The following ITGB1 variants were observed in gnomAD, a reference collection of about 807,000 sequenced individuals.
ITGB1 encodes the protein integrin beta-1.
A neutral mutation model predicts 86.5 loss-of-function variants in ITGB1; 24 were observed. The observed-to-expected ratio is 0.28, with a 90% CI of 0.20 to 0.39. The LOEUF (loss-of-function observed/expected upper bound fraction) is 0.39. Ranked by LOEUF, ITGB1 falls within the 10% of genes least tolerant of loss-of-function variation. ITGB1 has a pLI of 1.00. For missense variants in ITGB1, 556 were observed against 946.9 expected (o/e 0.59, Z 5.42); for synonymous variants, 323 against 316.8 (o/e 1.02, Z -0.21).
At position 32,942,742 on chromosome 10, in the gene ITGB1, T is replaced by G. The variant is rs554395415; in HGVS notation, c.1-7184A>C. On this transcript the variant is annotated intron_variant, in intron 1 of 15. Coordinates refer to ENST00000302278, the MANE Select transcript of ITGB1 (RefSeq NM_002211.4). ...CTCTGTCGCCTAGGCTGGAATGCAGTGGTGTGATCACATCTCACTGCAGCC... is the reference window on the plus strand; with the variant it reads ...CTCTGTCGCCTAGGCTGGAATGCAGGGGTGTGATCACATCTCACTGCAGCC... Among the ~76,000 whole-genome samples the G allele has an allele frequency of 3.3e-5, 5 of 149,466 alleles. No individual in the cohort carries two copies. In the South Asian group the frequency reaches 8.5e-4, roughly 25 times the overall value.
chr10:32,931,479 C>T (rs749730443), intron 3 of ITGB1, among the ~76,000 whole-genome samples: 3 of 152,064 alleles, frequency 2.0e-5, no homozygotes, highest in African/African-American at 4.8e-5. Context: ...ATAGATAAAG[C>T]GGATATTATC....
intron 1 of ITGB1, chr10:32,944,836 T>A: frequency 9.0e-7 from 1 of 1,107,852 alleles, no homozygotes; most frequent in Non-Finnish European, 1.4e-6. Context: ...TGGGCACTGA[T>A]GATCTGACTG....
chr10:32,939,302 A>G (rs2095012137), intron 1 of ITGB1, among the ~76,000 whole-genome samples: 1 of 152,226 alleles, frequency 6.6e-6, no homozygotes, highest in Non-Finnish European at 1.5e-5. Context: ...CTTCACGGTC[A>G]AAGACCTAGA....
At chr10:32,928,338 T>C (rs917597887) in intron 4 of ITGB1, 74 bp from the exon 5 acceptor site, 1 of 703,396 alleles carries the variant, frequency 1.4e-6, no homozygotes, top group East Asian at 2.5e-5. Flanking sequence ...ACCAAATAAA[T>C]GTGGTTTACA....
At chr10:32,909,180 TG>T (rs1412824536) in intron 14 of ITGB1, among the ~76,000 whole-genome samples, 1 of 152,148 alleles carries the variant, frequency 6.6e-6, no homozygotes, top group Admixed American at 6.5e-5. Context: ...CTCAGATACA[TG>T]GAACAGAATA....
intron 6 of ITGB1, 56 bp from the exon 7 acceptor site, chr10:32,923,796 A>C: frequency 6.8e-7 from 1 of 1,468,534 alleles, no homozygotes; most frequent in Non-Finnish European, 9.3e-7. Flanking sequence ...TTCAACAAAA[A>C]TCCTTTAATT....
At chr10:32,940,642 G>A (rs1386248239) in intron 1 of ITGB1, among the ~76,000 whole-genome samples, 1 of 152,170 alleles carries the variant, frequency 6.6e-6, no homozygotes, top group African/African-American at 2.4e-5. Context: ...CTGTGTAACT[G>A]ATGTCCATGC....
rs186873665 is a variant in ITGB1 at position 32,928,107 on chromosome 10, C to T, written c.534G>A (p.Ser178=). The change falls in exon 5 of 16, where the codon TCG becomes TCA. Residue 178 remains serine (S), a synonymous_variant. Transcript: ENST00000302278. ...CAACATTCCTACCAATTCTGAAGTC[C>T]GAAGTAATCCTCCTCATTTCATTCA... The part of the protein sequence containing the change: ...DLMNEMRRIT[S]DFRIGFGSFV... The T allele has an allele frequency of 7.3e-5, 116 of 1,583,958 alleles. No homozygotes were observed. Among genetic ancestry groups the T allele is most frequent in the Non-Finnish European group, 9.0e-5 (104 of 1,161,282 alleles).
At chr10:32,955,026 G>A (rs917467097) in intron 1 of ITGB1, among the ~76,000 whole-genome samples, 6 of 152,088 alleles carry the variant, frequency 3.9e-5, no homozygotes, top group African/African-American at 1.4e-4. Flanking sequence ...ATATTGGAAG[G>A]CTGCTAATAT....
intron 5 of ITGB1, among the ~76,000 whole-genome samples, chr10:32,927,882 A>C (rs1481392971): frequency 6.6e-6 from 1 of 152,218 alleles, no homozygotes; most frequent in African/African-American, 2.4e-5. Context: ...AATCTGTGTC[A>C]AACAGTAGCA....
rs540155597 is a variant in ITGB1 at position 32,912,597 on chromosome 10, C to T, written c.1470-473G>A. Among the ~76,000 whole-genome samples the T allele has an allele frequency of 3.7e-3, 562 of 152,290 alleles. 3 individuals are homozygous for T. Among genetic ancestry groups the T allele is most frequent in the Middle Eastern group, 0.024 (7 of 294 alleles). On this transcript the variant is annotated intron_variant, in intron 11 of 15. Coordinates refer to ENST00000302278, the MANE Select transcript of ITGB1 (RefSeq NM_002211.4). Reference sequence around the variant, plus strand: ...AGCAGTCTGAGATTGAACTGCAAGGCAGCAGGGAGGCCGAGGGAGGGGTAT... The same window carrying T: ...AGCAGTCTGAGATTGAACTGCAAGGTAGCAGGGAGGCCGAGGGAGGGGTAT...
Position 32,920,236 on chromosome 10 carries a change from A to G in ITGB1, c.1269+9T>C. The G allele has an allele frequency of 1.2e-6, 2 of 1,611,866 alleles. No individual in the cohort carries two copies. Among genetic ancestry groups the G allele is most frequent in the South Asian group, 1.1e-5 (1 of 90,522 alleles). ...ATGTTTTCTACAGAAAATGCTTTATACAACATACCTCATCTCCAATGGAAA... is the reference window on the plus strand; with the variant it reads ...ATGTTTTCTACAGAAAATGCTTTATGCAACATACCTCATCTCCAATGGAAA... On this transcript the variant is annotated intron_variant, in intron 10 of 15. Transcript: ENST00000302278.
chr10:32,952,267 T>G (rs2095044099), intron 1 of ITGB1, among the ~76,000 whole-genome samples: 1 of 152,208 alleles, frequency 6.6e-6, no homozygotes, highest in Non-Finnish European at 1.5e-5. Context: ...CTTCTTGTTC[T>G]CCAACTCATT....
chr10:32,937,486 G>A (rs186576520), intron 1 of ITGB1, among the ~76,000 whole-genome samples: 1 of 150,668 alleles, frequency 6.6e-6, no homozygotes, highest in East Asian at 2.0e-4. Context: ...AACCCGGGAG[G>A]CGGAGGTTGC....
At chr10:32,946,860 T>G (rs1297702686) in intron 1 of ITGB1, among the ~76,000 whole-genome samples, 1 of 151,838 alleles carries the variant, frequency 6.6e-6, no homozygotes, top group Non-Finnish European at 1.5e-5. Flanking sequence ...CTTCTTTTTT[T>G]TTTTTAGACA....
chr10:32,919,659 A>C (rs2094942600), intron 11 of ITGB1, among the ~76,000 whole-genome samples: 1 of 152,198 alleles, frequency 6.6e-6, no homozygotes, highest in Non-Finnish European at 1.5e-5. Context: ...ATGGCTATAA[A>C]ATCTTTTATT....
chr10:32,937,706 AAG>A (rs2095007352), intron 1 of ITGB1, among the ~76,000 whole-genome samples: 1 of 152,152 alleles, frequency 6.6e-6, no homozygotes, highest in Non-Finnish European at 1.5e-5. Flanking sequence ...GAAGATAACA[AAG>A]AGTTATATGC....
chr10:32,942,209 C>G (rs986485106), intron 1 of ITGB1, among the ~76,000 whole-genome samples: 1 of 152,184 alleles, frequency 6.6e-6, no homozygotes, highest in Admixed American at 6.5e-5. Flanking sequence ...TCACCCTAAA[C>G]AGAGACATGG....
intron 1 of ITGB1, chr10:32,944,935 G>C: frequency 5.5e-6 from 7 of 1,278,840 alleles, no homozygotes; most frequent in Non-Finnish European, 7.9e-6. Flanking sequence ...AGCCAGTCCT[G>C]GAATATTACC....
Sources: gnomAD v4.1 joint callset for allele counts (sites outside exome capture counted in the v4.1 genomes callset) on GRCh38, gnomAD v4.1.1 for gene constraint, MANE v1.5 for transcripts, NCBI Gene and HGNC (gene_info 2026-07-23, HGNC 2026-07-21) for gene names.